Variants in DCK observed in about 807,000 individuals in gnomAD.
The protein encoded by DCK is deoxyadenosine kinase.
In DCK, 23 loss-of-function variants were observed where a neutral mutation model predicts 38.3. The observed-to-expected ratio is 0.60, with a 90% confidence interval of 0.43 to 0.85. The LOEUF (loss-of-function observed/expected upper bound fraction) is 0.85, where lower values mean the gene tolerates loss of function less well. DCK is among the 40% of genes least tolerant of loss of function. The probability of loss-of-function intolerance (pLI) is 0.00; values close to 1 mark genes in which losing one functional copy is unlikely to be tolerated. For synonymous variants in DCK, 108 were observed against 100.6 expected (o/e 1.07, Z -0.44); for missense variants, 259 against 304.4 (o/e 0.85, Z 1.11).
chr4:71,001,344 A>T (rs1052417209), intron 2 of DCK, among the ~76,000 whole-genome samples: 1 of 152,148 alleles, frequency 6.6e-6, no homozygotes, highest in African/African-American at 2.4e-5. Context: ...AGCCGACTTG[A>T]TCGTGGTAGA....
chr4:71,014,154 G>T (rs1337590062), intron 2 of DCK, among the ~76,000 whole-genome samples: 2 of 152,130 alleles, frequency 1.3e-5, no homozygotes, highest in Non-Finnish European at 2.9e-5. Flanking sequence ...AACCAACAAA[G>T]ATCAAAAGAG....
chr4:71,023,862 G>A (rs1740487867), intron 4 of DCK, among the ~76,000 whole-genome samples, 156 bp downstream of exon 4: 1 of 152,154 alleles, frequency 6.6e-6, no homozygotes, highest in Non-Finnish European at 1.5e-5. Flanking sequence ...GTAGATAGAA[G>A]CATTCTTTTT....
At chr4:70,994,074 C>A in intron 1 of DCK, 148 bp downstream of exon 1, 1 of 668,376 alleles carries the variant, frequency 1.5e-6, no homozygotes, top group South Asian at 1.7e-5. Context: ...TCCTTTCCCA[C>A]CCAGAGCATC....
At chr4:71,016,874 C>T (rs894039312) in intron 2 of DCK, among the ~76,000 whole-genome samples, 1 of 152,158 alleles carries the variant, frequency 6.6e-6, no homozygotes, top group Non-Finnish European at 1.5e-5. Flanking sequence ...TAGGCATGGG[C>T]AAGGACTTCA....
chr4:71,025,098 A>G (rs1476475679), intron 4 of DCK, among the ~76,000 whole-genome samples: 7 of 152,082 alleles, frequency 4.6e-5, no homozygotes, highest in Non-Finnish European at 8.8e-5. Context: ...CTTGGAATGC[A>G]TGAAGAGTTT....
At chr4:71,017,984 G>T (rs1419841224) in intron 2 of DCK, among the ~76,000 whole-genome samples, 1 of 152,046 alleles carries the variant, frequency 6.6e-6, no homozygotes, top group Non-Finnish European at 1.5e-5. Context: ...TACTGTAAAT[G>T]ATTTTTAACA....
At chr4:71,013,507 G>C in intron 2 of DCK, among the ~76,000 whole-genome samples, 1 of 152,226 alleles carries the variant, frequency 6.6e-6, no homozygotes, top group East Asian at 1.9e-4. Context: ...GGCAGCCAGA[G>C]AGAAAGGTCG....
chr4:71,021,265 C>G (rs907979187), intron 2 of DCK, among the ~76,000 whole-genome samples: 1 of 150,812 alleles, frequency 6.6e-6, no homozygotes, highest in Non-Finnish European at 1.5e-5. Context: ...TTAGTAGAGA[C>G]GGGGTTTCAC....
chr4:71,021,603 A>T (rs1740425929), intron 2 of DCK, among the ~76,000 whole-genome samples: 1 of 152,180 alleles, frequency 6.6e-6, no homozygotes, highest in South Asian at 2.1e-4. Flanking sequence ...TATGAAAATC[A>T]TCCGGGAATG....
chr4:71,004,647 G>A (rs1413297806), intron 2 of DCK, among the ~76,000 whole-genome samples: 1 of 152,240 alleles, frequency 6.6e-6, no homozygotes, highest in African/African-American at 2.4e-5. Context: ...TTCTTTCAGA[G>A]ATGCCCTGCC....
chr4:71,025,019 A>T (rs1480018774), intron 4 of DCK, among the ~76,000 whole-genome samples: 1 of 152,082 alleles, frequency 6.6e-6, no homozygotes, highest in African/African-American at 2.4e-5. Context: ...AATTTAGAGT[A>T]GAGTTTGAAA....
chr4:71,028,826 C>T (rs1740609511), intron 6 of DCK: 1 of 296,284 alleles, frequency 3.4e-6, no homozygotes, highest in South Asian at 2.7e-5. Context: ...GGCGCGATCT[C>T]AGCTCACCAC....
intron 2 of DCK, among the ~76,000 whole-genome samples, chr4:71,009,591 CTATTAT>C (rs1260930447): frequency 6.6e-6 from 1 of 151,928 alleles, no homozygotes; most frequent in Non-Finnish European, 1.5e-5. Flanking sequence ...GCAGGTGATC[CTATTAT>C]TATTAACATA....
At chr4:71,015,136 TAAACACCTCTAC>T (rs57686047) in intron 2 of DCK, among the ~76,000 whole-genome samples, 150,445 of 152,084 alleles carry the variant, frequency 0.99, 74,405 homozygotes, top group East Asian at 1. Context: ...CAGAATACTA[TAAACACCTCTAC>T]AAACACCTCT....
chr4:71,011,096 C>G (rs935288290), intron 2 of DCK, among the ~76,000 whole-genome samples: 1 of 151,998 alleles, frequency 6.6e-6, no homozygotes, highest in African/African-American at 2.4e-5. Context: ...GCATGTGCCA[C>G]CACGCCTGGC....
At chr4:71,026,840 A>G in intron 6 of DCK, 85 bp downstream of exon 6, 1 of 676,542 alleles carries the variant, frequency 1.5e-6, no homozygotes, top group Non-Finnish European at 2.6e-6. Context: ...CTAACAGAAA[A>G]GCTTCCATAA....
chr4:70,995,423 C>T (rs905017134), intron 1 of DCK, among the ~76,000 whole-genome samples: 1 of 151,978 alleles, frequency 6.6e-6, no homozygotes, highest in Non-Finnish European at 1.5e-5. Flanking sequence ...CTCATCTCCA[C>T]AAAAAAATTA....
At chr4:71,000,277 G>C (rs1739771189) in intron 2 of DCK, among the ~76,000 whole-genome samples, 1 of 152,136 alleles carries the variant, frequency 6.6e-6, no homozygotes, top group South Asian at 2.1e-4. Context: ...ATTAAATAGG[G>C]AATCCTTTCC....
chr4:71,017,757 C>G (rs533959574), intron 2 of DCK, among the ~76,000 whole-genome samples: 6 of 128,364 alleles, frequency 4.7e-5, no homozygotes, highest in African/African-American at 1.8e-4. Flanking sequence ...GGAATGTGAA[C>G]ATCACACACT....
Sources: allele counts gnomAD v4.1 joint callset (sites outside exome capture counted in the v4.1 genomes callset), GRCh38; gene constraint gnomAD v4.1.1; transcripts MANE v1.5; gene names NCBI Gene and HGNC (gene_info 2026-07-23, HGNC 2026-07-21).